Variants in DGCR2 observed in about 807,000 individuals in gnomAD.
DGCR2 encodes the protein DiGeorge syndrome critical region gene 2, also known as integral membrane protein DGCR2/IDD.
In DGCR2, 24 loss-of-function variants were observed where a neutral mutation model predicts 51.6. The ratio of observed to expected loss-of-function variants is 0.47; its 90% CI spans 0.34 to 0.65. The LOEUF (loss-of-function observed/expected upper bound fraction) is 0.65. Ranked by LOEUF, DGCR2 falls within the 30% of genes least tolerant of loss-of-function variation. The pLI is 0.01. For missense variants in DGCR2, 765 were observed against 772.1 expected (o/e 0.99, Z 0.11); for synonymous variants, 340 against 315.4 (o/e 1.08, Z -0.82).
At position 19,108,485 on chromosome 22, in the gene DGCR2, G is replaced by A. The variant is rs548874274; in HGVS notation, c.79+13643C>T. The stretch of plus-strand genomic sequence containing the variant: ...GCTACTCGGTGAGGGTGAGGTGGCA[G>A]GATCACTTGAGCCAGGGAGGTCAAG... On this transcript the variant is annotated intron_variant, in intron 1 of 9. Transcript: ENST00000263196. 3.3e-5 allele frequency among the ~76,000 whole-genome samples: 5 copies of A among 149,904 alleles called. No homozygotes were observed. The South Asian group carries it at 1.0e-3, about 31-fold the overall frequency.
chr22:19,046,784 G>A (rs1277935709), intron 7 of DGCR2: 1 of 438,358 alleles, frequency 2.3e-6, no homozygotes, highest in Admixed American at 2.4e-5. Context: ...GGCTGCAGCT[G>A]CTCTGGGCCC....
chr22:19,097,492 C>G (rs1187994531), intron 1 of DGCR2, among the ~76,000 whole-genome samples: 1 of 152,050 alleles, frequency 6.6e-6, no homozygotes, highest in Non-Finnish European at 1.5e-5. Context: ...GCGGAAGCTG[C>G]AGTAAGCTGA....
intron 6 of DGCR2, among the ~76,000 whole-genome samples, chr22:19,053,303 A>G (rs947559986): frequency 6.6e-5 from 10 of 152,226 alleles, no homozygotes; most frequent in Non-Finnish European, 1.0e-4. Context: ...CATGCTAACA[A>G]GCCTTGAGTC....
At chr22:19,084,316 G>T (rs1252804565) in intron 2 of DGCR2, among the ~76,000 whole-genome samples, 1 of 151,154 alleles carries the variant, frequency 6.6e-6, no homozygotes, top group Non-Finnish European at 1.5e-5. Flanking sequence ...GATATGGGGA[G>T]CGCCTCTGCC....
At chr22:19,060,848 G>A (rs779157050) in intron 5 of DGCR2, 32 of 515,134 alleles carry the variant, frequency 6.2e-5, no homozygotes, top group Non-Finnish European at 1.1e-4. Flanking sequence ...CCACCAAGGC[G>A]CACAGGAACC....
rs558322462 is a variant in DGCR2 at position 19,058,809 on chromosome 22, G to A, written c.626-1647C>T. Among the ~76,000 whole-genome samples the A allele has an allele frequency of 4.6e-5, 7 of 152,346 alleles. No individual in the cohort carries two copies. In the East Asian group the frequency reaches 9.7e-4, roughly 21 times the overall value. ...CTGGACCGGGGCACAGCAAGTCAGA[G>A]TGAGTCAGGCAACCAGCAAAACAGG... On this transcript the variant is annotated intron_variant, in intron 5 of 9. Coordinates refer to ENST00000263196, the MANE Select transcript of DGCR2 (RefSeq NM_005137.3).
chr22:19,099,970 T>TAAA (rs66745825), intron 1 of DGCR2, among the ~76,000 whole-genome samples: 17 of 140,840 alleles, frequency 1.2e-4, no homozygotes, highest in African/African-American at 3.6e-4. Context: ...ATTCTGTCTT[T>TAAA]AAAAAAAAAA....
In DGCR2 at chr22:19,040,597, C is replaced by T. The variant is rs927383412; in HGVS notation, c.1396+461G>A. Among the ~76,000 whole-genome samples, 4 of 152,224 alleles carry T rather than the reference C, an allele frequency of 2.6e-5. No homozygotes were observed. In the South Asian group the frequency reaches 6.2e-4, roughly 24 times the overall value. On this transcript the variant is annotated intron_variant, in intron 9 of 9. Transcript: ENST00000263196. ...CTATGGGCCAGTAGCACAGAAGCCA[C>T]GCTTTCCTCCCACCTCACAGAGCTG...
At chr22:19,069,058 C>T (rs1358158499) in intron 2 of DGCR2, among the ~76,000 whole-genome samples, 1 of 152,236 alleles carries the variant, frequency 6.6e-6, no homozygotes, top group Non-Finnish European at 1.5e-5. Flanking sequence ...CCCTCATGGG[C>T]CCGCTCACCT....
At position 19,057,929 on chromosome 22, in the gene DGCR2, G is replaced by A. The variant is rs572632345; in HGVS notation, c.626-767C>T. ...TAGGCCCCACTCTCTCCCCTGCACGGCCCTTCCAGTCTGGGCTGCCAAGAT... is the reference window on the plus strand; with the variant it reads ...TAGGCCCCACTCTCTCCCCTGCACGACCCTTCCAGTCTGGGCTGCCAAGAT... On this transcript the variant is annotated intron_variant, in intron 5 of 9. Transcript: ENST00000263196. The surrounding 1 kb of genome is among the most constrained non-coding windows in gnomAD (Gnocchi z 5.1). Among the ~76,000 whole-genome samples the A allele has an allele frequency of 4.6e-4, 70 of 152,186 alleles. 1 individual carries two copies. The highest frequency in any genetic ancestry group is 1.6e-3 in the African/African-American group (67 of 41,524).
At chr22:19,049,020 G>A (rs531172039) in intron 6 of DGCR2, among the ~76,000 whole-genome samples, 31 of 152,342 alleles carry the variant, frequency 2.0e-4, no homozygotes, top group African/African-American at 5.8e-4. Flanking sequence ...GGCTGTCCAA[G>A]AGCAGTCACT....
chr22:19,071,710 G>A (rs1346070750), intron 2 of DGCR2, among the ~76,000 whole-genome samples: 3 of 152,248 alleles, frequency 2.0e-5, no homozygotes, highest in Non-Finnish European at 4.4e-5. Flanking sequence ...AAAGGGGAAA[G>A]AAACCTGTAA....
intron 2 of DGCR2, among the ~76,000 whole-genome samples, chr22:19,081,714 G>A (rs527474006): frequency 1.3e-5 from 2 of 152,270 alleles, no homozygotes; most frequent in African/African-American, 2.4e-5. Flanking sequence ...CTGGATCACA[G>A]AAAATAAGAA....
intron 3 of DGCR2, among the ~76,000 whole-genome samples, chr22:19,067,692 CTAAATAAATAAATAAA>C (rs60372595): frequency 1.6e-4 from 24 of 149,928 alleles, no homozygotes; most frequent in Non-Finnish European, 2.4e-4. Flanking sequence ...GACTCCGTCT[CTAAATAAATAAATAAA>C]TAAATAAATA....
At chr22:19,104,142 G>A (rs1421702457) in intron 1 of DGCR2, among the ~76,000 whole-genome samples, 1 of 152,150 alleles carries the variant, frequency 6.6e-6, no homozygotes, top group Non-Finnish European at 1.5e-5. Context: ...TTGTGAGGAT[G>A]AGAGAAAGGC....
At chr22:19,062,315 C>G (rs2082672731) in intron 5 of DGCR2, among the ~76,000 whole-genome samples, 2 of 152,210 alleles carry the variant, frequency 1.3e-5, no homozygotes, top group Admixed American at 1.3e-4. Flanking sequence ...GCCCCCACCT[C>G]TGCTCCTGCC....
Position 19,068,091 on chromosome 22 carries a change from G to C in DGCR2, c.328+9C>G. On this transcript the variant is annotated intron_variant, in intron 3 of 9. Transcript: ENST00000263196. ...CCAGTGTCCCAGTCAGGGCAGGTCT[G>C]CAACTTACTGCTGAAGCGAACGGGC... is the stretch of plus-strand genomic sequence containing the variant. 1 of 1,565,830 alleles carries C rather than the reference G, an allele frequency of 6.4e-7. No individual in the cohort carries two copies. Among genetic ancestry groups the C allele is most frequent in the South Asian group, 1.2e-5 (1 of 84,272 alleles).
chr22:19,043,396 G>A (rs1291896464), intron 7 of DGCR2, among the ~76,000 whole-genome samples: 2 of 152,036 alleles, frequency 1.3e-5, no homozygotes, highest in Non-Finnish European at 1.5e-5. Context: ...CCATGGGGAG[G>A]CAGAGATGAC....
chr22:19,105,041 G>A (rs2083247119), intron 1 of DGCR2, among the ~76,000 whole-genome samples: 1 of 152,228 alleles, frequency 6.6e-6, no homozygotes, highest in Non-Finnish European at 1.5e-5. Flanking sequence ...AGGGACAGAG[G>A]GCCGGGCACG....
Sources: gnomAD v4.1 joint callset for allele counts (sites outside exome capture counted in the v4.1 genomes callset) on GRCh38, gnomAD v4.1.1 for gene constraint, Gnocchi (gnomAD v3.1) non-coding constraint, MANE v1.5 for transcripts, NCBI Gene and HGNC (gene_info 2026-07-23, HGNC 2026-07-21) for gene names.